The following SOBP variants were observed in gnomAD, a reference collection of about 807,000 sequenced individuals.
The protein encoded by SOBP is sine oculis-binding protein homolog.
In SOBP, 4 loss-of-function variants were observed where a neutral mutation model predicts 53.6. That is an observed-to-expected ratio of 0.07 (90% CI 0.04 to 0.17). The LOEUF is 0.17. Ranked by LOEUF, SOBP falls within the 10% of genes least tolerant of loss-of-function variation. The pLI, the probability that SOBP is intolerant of heterozygous loss-of-function variation, is 1.00. For synonymous variants in SOBP, 584 were observed against 522.6 expected (o/e 1.12, Z -1.60); for missense variants, 1,088 against 1,204.7 (o/e 0.90, Z 1.43).
intron 4 of SOBP, among the ~76,000 whole-genome samples, chr6:107,585,704 A>G (rs1280219950): frequency 6.6e-6 from 1 of 152,162 alleles, no homozygotes; most frequent in Non-Finnish European, 1.5e-5. Context: ...TTGTAACCTA[A>G]ATATTACTGA....
intron 3 of SOBP, among the ~76,000 whole-genome samples, chr6:107,517,013 G>GT (rs1441562678): frequency 6.6e-6 from 1 of 151,874 alleles, no homozygotes; most frequent in Non-Finnish European, 1.5e-5. Flanking sequence ...TTAAAAAGTT[G>GT]TTTTTTAAAA....
At chr6:107,505,700 G>A (rs991112071) in intron 2 of SOBP, among the ~76,000 whole-genome samples, 19 of 152,098 alleles carry the variant, frequency 1.2e-4, no homozygotes, top group African/African-American at 4.1e-4. Context: ...ACCCAGGCTG[G>A]AGTGCAGTAG....
chr6:107,561,397 T>C (rs902257637), intron 4 of SOBP, among the ~76,000 whole-genome samples: 2 of 152,206 alleles, frequency 1.3e-5, no homozygotes, highest in Non-Finnish European at 2.9e-5. Context: ...CATAGCCCTT[T>C]AATGGGAATT....
intron 5 of SOBP, among the ~76,000 whole-genome samples, chr6:107,607,301 G>C (rs555141476): frequency 2.0e-5 from 3 of 152,280 alleles, no homozygotes; most frequent in African/African-American, 7.2e-5. Context: ...TTGCACAACA[G>C]GAAGTGGACA....
At chr6:107,615,965 C>T (rs868203380) in intron 5 of SOBP, among the ~76,000 whole-genome samples, 2 of 150,104 alleles carry the variant, frequency 1.3e-5, no homozygotes, top group African/African-American at 2.5e-5. Context: ...AAGGCTGCAG[C>T]GAGCTAGGAT....
At chr6:107,496,374 G>A (rs1782699182) in intron 1 of SOBP, among the ~76,000 whole-genome samples, 1 of 152,188 alleles carries the variant, frequency 6.6e-6, no homozygotes, top group African/African-American at 2.4e-5. Flanking sequence ...AGATTAAAAT[G>A]TGGGGACATG....
At chr6:107,502,924 C>G (rs2114943925) in intron 1 of SOBP, among the ~76,000 whole-genome samples, 1 of 152,086 alleles carries the variant, frequency 6.6e-6, no homozygotes, top group South Asian at 2.1e-4. Flanking sequence ...CCAGGGCCAG[C>G]TGATTTTTGT....
At chr6:107,656,313 A>AAGACAGACAGAC (rs879769368) in intron 6 of SOBP, among the ~76,000 whole-genome samples, 24 of 44,016 alleles carry the variant, frequency 5.5e-4, no homozygotes, top group Non-Finnish European at 3.8e-4. Flanking sequence ...GAAAGAAAGA[A>AAGACAGACAGAC]AGAAAGAAAG....
intron 5 of SOBP, among the ~76,000 whole-genome samples, chr6:107,621,699 C>A (rs1310385265): frequency 6.6e-6 from 1 of 152,186 alleles, no homozygotes; most frequent in Non-Finnish European, 1.5e-5. Context: ...TGTGACAGAG[C>A]ATAAGGGATT....
chr6:107,617,644 G>A (rs895237598), intron 5 of SOBP, among the ~76,000 whole-genome samples: 1 of 152,038 alleles, frequency 6.6e-6, no homozygotes, highest in African/African-American at 2.4e-5. Context: ...AACCCATAAT[G>A]GAATTCCAAT....
intron 3 of SOBP, among the ~76,000 whole-genome samples, chr6:107,518,750 G>GTTTT (rs11390425): frequency 8.7e-4 from 97 of 111,666 alleles, no homozygotes; most frequent in South Asian, 3.1e-3. Flanking sequence ...AGGAAAGGCT[G>GTTTT]TTTTTTTTTT....
intron 3 of SOBP, among the ~76,000 whole-genome samples, chr6:107,519,023 TA>T (rs1783407218): frequency 1.3e-5 from 2 of 151,482 alleles, no homozygotes; most frequent in South Asian, 4.2e-4. Context: ...TAGTGAAGCC[TA>T]AAAATTAAGT....
chr6:107,567,034 C>T (rs1241227147), intron 4 of SOBP, among the ~76,000 whole-genome samples: 1 of 152,214 alleles, frequency 6.6e-6, no homozygotes, highest in Non-Finnish European at 1.5e-5. Context: ...ACATTGAAGT[C>T]CATTACACAG....
At chr6:107,513,751 G>C (rs1330996755) in intron 3 of SOBP, among the ~76,000 whole-genome samples, 1 of 148,984 alleles carries the variant, frequency 6.7e-6, no homozygotes, top group Admixed American at 6.7e-5. Context: ...GAAAGAAAAA[G>C]AGGTTCACTG....
chr6:107,647,434 T>C (rs953544884), intron 6 of SOBP, among the ~76,000 whole-genome samples: 2 of 152,178 alleles, frequency 1.3e-5, no homozygotes, highest in Non-Finnish European at 2.9e-5. Context: ...TGTGCAGTTA[T>C]CAGCTCCAAT....
At chr6:107,580,165 T>A (rs1478488593) in intron 4 of SOBP, among the ~76,000 whole-genome samples, 1 of 152,204 alleles carries the variant, frequency 6.6e-6, no homozygotes, top group Non-Finnish European at 1.5e-5. Flanking sequence ...CAGAGATGGA[T>A]GTTTCTGGGT....
At chr6:107,499,896 C>T (rs758271965) in intron 1 of SOBP, among the ~76,000 whole-genome samples, 1 of 151,974 alleles carries the variant, frequency 6.6e-6, no homozygotes, top group Non-Finnish European at 1.5e-5. Flanking sequence ...ACTACTATTA[C>T]CTTTACTGTT....
intron 1 of SOBP, among the ~76,000 whole-genome samples, chr6:107,500,708 AGACG>A (rs1367615478): frequency 2.0e-5 from 3 of 151,278 alleles, no homozygotes; most frequent in South Asian, 2.1e-4. Context: ...TTTTTATTAG[AGACG>A]GATGGGGTTT....
intron 3 of SOBP, among the ~76,000 whole-genome samples, chr6:107,512,873 T>G (rs370531171): frequency 6.6e-6 from 1 of 152,180 alleles, no homozygotes. Context: ...TAGATCTGAG[T>G]CTTTTGACAG....
Sources: gnomAD v4.1 joint callset for allele counts (sites outside exome capture counted in the v4.1 genomes callset) on GRCh38, gnomAD v4.1.1 for gene constraint, MANE v1.5 for transcripts, NCBI Gene and HGNC (gene_info 2026-07-23, HGNC 2026-07-21) for gene names.